Variants in FNDC7 observed in about 807,000 individuals in gnomAD.
FNDC7 encodes fibronectin type III domain containing 7, also known as fibronectin type III domain-containing protein 7.
A neutral mutation model predicts 74.2 loss-of-function variants in FNDC7; 66 were observed. The ratio of observed to expected loss-of-function variants is 0.89; its 90% CI spans 0.73 to 1.09. FNDC7 has a LOEUF of 1.09. Among genes scored for constraint, FNDC7 ranks in the 50% least tolerant of loss-of-function variants. The pLI, the probability that FNDC7 is intolerant of heterozygous loss-of-function variation, is 0.00. For missense variants in FNDC7, 829 were observed against 893.4 expected (o/e 0.93, Z 0.92); for synonymous variants, 307 against 330.2 (o/e 0.93, Z 0.76).
At chr1:108,720,767 T>C (rs142393169) in intron 4 of FNDC7, among the ~76,000 whole-genome samples, 1 of 152,162 alleles carries the variant, frequency 6.6e-6, no homozygotes. Context: ...CCAAATTTAT[T>C]CTTTTAATAA....
At chr1:108,724,705 G>T (rs1280962699) in intron 5 of FNDC7, among the ~76,000 whole-genome samples, 4 of 151,458 alleles carry the variant, frequency 2.6e-5, no homozygotes, top group African/African-American at 9.7e-5. Context: ...AGTGAGCTGA[G>T]ATCGCACCAC....
intron 5 of FNDC7, among the ~76,000 whole-genome samples, chr1:108,723,100 A>G (rs1661133329): frequency 6.6e-6 from 1 of 152,226 alleles, no homozygotes; most frequent in Non-Finnish European, 1.5e-5. Context: ...CTATTTAGAA[A>G]TATCTATGTG....
chr1:108,714,746 C>T (rs760215960), intron 2 of FNDC7, among the ~76,000 whole-genome samples: 32 of 151,086 alleles, frequency 2.1e-4, no homozygotes, highest in Admixed American at 4.0e-4. Flanking sequence ...GCTGGGACTA[C>T]AGGCACCCGC....
chr1:108,716,148 G>A (rs2101076071), intron 2 of FNDC7, among the ~76,000 whole-genome samples: 1 of 152,260 alleles, frequency 6.6e-6, no homozygotes, highest in East Asian at 1.9e-4. Context: ...TCTGTGGCCA[G>A]TTTGGCTGTC....
chr1:108,720,364 C>T (rs540053064), intron 4 of FNDC7, among the ~76,000 whole-genome samples: 5 of 152,176 alleles, frequency 3.3e-5, no homozygotes, highest in Admixed American at 3.3e-4. Context: ...TTCACCTGAC[C>T]AGTGCTTTGG....
chr1:108,736,963 CTTTT>C (rs1173562405), intron 10 of FNDC7, among the ~76,000 whole-genome samples: 1 of 99,408 alleles, frequency 1.0e-5, no homozygotes, highest in East Asian at 2.6e-4. Context: ...GCTTGGCATT[CTTTT>C]TTTTTTTTTT....
chr1:108,722,379 G>A lies in FNDC7; in HGVS notation c.643G>A (p.Ala215Thr), dbSNP rs933624922. 3.7e-6 allele frequency: 6 copies of A among 1,613,990 alleles called. No individual in the cohort carries two copies. In the African/African-American group the frequency reaches 5.3e-5, roughly 14 times the overall value. The change falls in exon 5 of 13, where the codon GCT becomes ACT. Residue 215 changes from alanine (A) to threonine (T), a missense_variant. By Grantham distance (58) the Ala-to-Thr change is moderately conservative. Coordinates refer to ENST00000370017, the MANE Select transcript of FNDC7 (RefSeq NM_001144937.3). ...CATTCAAGTCTCTTTCGATAGTGGA[G>A]CTCTGAAGGCATCTTTTTCCTGGGC... ...ANIQVSFDSGALKASFSWARA... is the reference protein window; with the variant it reads ...ANIQVSFDSGTLKASFSWARA...
intron 5 of FNDC7, 104 bp downstream of exon 5, chr1:108,722,696 G>C: frequency 5.5e-6 from 7 of 1,274,534 alleles, no homozygotes; most frequent in Non-Finnish European, 7.4e-6. Flanking sequence ...AAATGAAAAT[G>C]AAAGCCTGGT....
At chr1:108,715,864 A>C (rs1294460965) in intron 2 of FNDC7, among the ~76,000 whole-genome samples, 1 of 152,224 alleles carries the variant, frequency 6.6e-6, no homozygotes, top group Non-Finnish European at 1.5e-5. Context: ...TTCACACACA[A>C]AAGTAAATAG....
chr1:108,714,493 T>C (rs954422156), intron 2 of FNDC7, among the ~76,000 whole-genome samples: 5 of 152,110 alleles, frequency 3.3e-5, no homozygotes, highest in African/African-American at 9.7e-5. Context: ...CTGGGCAACA[T>C]AGCAACACCC....
At chr1:108,718,057 G>A (rs575853634) in intron 3 of FNDC7, 26 bp downstream of exon 3, 75 of 1,548,160 alleles carry the variant, frequency 4.8e-5, no homozygotes, top group African/African-American at 3.8e-4. Flanking sequence ...CTCATCCTCC[G>A]TTGAGTGTTT....
At chr1:108,740,573 C>G (rs556136451) in intron 11 of FNDC7, among the ~76,000 whole-genome samples, 3 of 152,278 alleles carry the variant, frequency 2.0e-5, no homozygotes, top group African/African-American at 7.2e-5. Flanking sequence ...TGCGATCCAC[C>G]TGCCTTGGCC....
intron 10 of FNDC7, among the ~76,000 whole-genome samples, chr1:108,736,676 G>T (rs1661522139): frequency 6.6e-6 from 1 of 152,130 alleles, no homozygotes; most frequent in South Asian, 2.1e-4. Context: ...TCTTTGATGG[G>T]ATGCCATCTC....
At chr1:108,713,928 T>C (rs1371388708) in intron 2 of FNDC7, among the ~76,000 whole-genome samples, 2 of 152,220 alleles carry the variant, frequency 1.3e-5, no homozygotes, top group African/African-American at 4.8e-5. Flanking sequence ...ATGAGAAATG[T>C]TATATTTGAT....
rs745432202 is a variant in FNDC7, at chr1:108,730,868, T to C, written c.1819T>C (p.Leu607=). ...ATGTGGCATCAATTACACAGTGACA[T>C]TAAAAGCAATTAGTGCCACCGGGTT... ...ITCGINYTVT[L]KAISATGLTA... The change falls in exon 9 of 13, where the codon TTA becomes CTA. Residue 607 remains leucine, a synonymous_variant. Coordinates refer to ENST00000370017, the MANE Select transcript of FNDC7 (RefSeq NM_001144937.3). The C allele has an allele frequency of 3.1e-6, 5 of 1,613,970 alleles. No individual in the cohort carries two copies. The East Asian group carries it at 1.1e-4, about 36-fold the overall frequency.
intron 8 of FNDC7, among the ~76,000 whole-genome samples, chr1:108,730,187 G>A (rs1021789746): frequency 2.0e-5 from 3 of 152,066 alleles, no homozygotes; most frequent in African/African-American, 7.2e-5. Context: ...GACCATCCTG[G>A]CCAACATGGT....
At chr1:108,741,750 C>T in intron 11 of FNDC7, 23 bp from the exon 12 acceptor site, 2 of 1,612,606 alleles carry the variant, frequency 1.2e-6, no homozygotes, top group Non-Finnish European at 1.7e-6. Context: ...TCTTTTACTG[C>T]TTCCCTTCCT....
intron 11 of FNDC7, among the ~76,000 whole-genome samples, chr1:108,738,300 T>A (rs1661562373): frequency 6.6e-6 from 1 of 152,124 alleles, no homozygotes. Flanking sequence ...ACTGCCTCCT[T>A]GGTTTTGCTC....
In FNDC7 at chr1:108,730,717, G is replaced by C. The variant is rs1661323398; in HGVS notation, c.1668G>C (p.Gln556His). 6.2e-7 allele frequency: 1 copy of C among 1,606,264 alleles called. No individual in the cohort carries two copies. The highest frequency in any genetic ancestry group is 8.5e-7 in the Non-Finnish European group (1 of 1,174,968). Residue 556 changes from glutamine to histidine, a missense_variant, in exon 9 of 13, where the codon CAG becomes CAC. Coordinates refer to ENST00000370017, the MANE Select transcript of FNDC7 (RefSeq NM_001144937.3). ...GTCTGACAGTAACTCAAATCACCCA[G>C]TCAGTAATCAACGTGAGCTGGACTA... The part of the protein sequence containing the change: ...PTGLTVTQIT[Q>H]SVINVSWTIG...
Sources: gnomAD v4.1 joint callset for allele counts (sites outside exome capture counted in the v4.1 genomes callset) on GRCh38, gnomAD v4.1.1 for gene constraint, MANE v1.5 for transcripts, NCBI Gene and HGNC (gene_info 2026-07-23, HGNC 2026-07-21) for gene names.